ATP5MG: variants seen among roughly 807,000 people sequenced by gnomAD.
The protein encoded by ATP5MG is ATP synthase membrane subunit g.
Under a neutral mutation model 12.7 loss-of-function variants are expected in ATP5MG, and 7 were observed. The observed-to-expected ratio is 0.55, with a 90% CI of 0.31 to 1.04. The LOEUF is 1.04. Ranked by LOEUF, ATP5MG falls within the 50% of genes least tolerant of loss-of-function variation. The pLI is 0.05. For missense variants in ATP5MG, 116 were observed against 126.7 expected (o/e 0.92, Z 0.41); for synonymous variants, 53 against 48.2 (o/e 1.10, Z -0.41).
At chr11:118,402,741 G>A (rs1332878804) in intron 1 of ATP5MG, among the ~76,000 whole-genome samples, 5 of 134,168 alleles carry the variant, frequency 3.7e-5, no homozygotes, top group Non-Finnish European at 4.6e-5. Context: ...TCACTCTGTC[G>A]CCCAGGCTGG....
chr11:118,407,724 T>C (rs571754926), intron 2 of ATP5MG, among the ~76,000 whole-genome samples: 1 of 151,538 alleles, frequency 6.6e-6, no homozygotes, highest in Non-Finnish European at 1.5e-5. Context: ...TGAAAAAAAA[T>C]TGCCAGGTGT....
Position 118,406,956 on chromosome 11 carries a change from G to A in ATP5MG, c.72G>A (p.Lys24=), listed in dbSNP as rs1555132190. The change falls in exon 2 of 3, where the codon AAG becomes AAA. Residue 24 remains lysine (K), a synonymous_variant. Transcript: ENST00000300688. ...TTCCAGCTGCTGTGACTTACTCGAA[G>A]CCTCGATTGGCCACATTTTGGTACT... ...ALVNAAVTYS[K]PRLATFWYYA... is the part of the protein sequence containing the mutation. 3 of 1,610,622 alleles carry A rather than the reference G, an allele frequency of 1.9e-6. No homozygotes were observed. The highest frequency in any genetic ancestry group is 1.7e-6 in the Non-Finnish European group (2 of 1,178,428).
At position 118,407,068 on chromosome 11, in the gene ATP5MG, A is replaced by T. The variant is rs782025040; in HGVS notation, c.184A>T (p.Thr62Ser). 6.2e-7 allele frequency: 1 copy of T among 1,614,150 alleles called. No homozygotes were observed. The change falls in exon 2 of 3, where the codon ACT (threonine) becomes TCT (serine). Residue 62 changes from threonine (T) to serine (S), a missense_variant. Transcript: ENST00000300688. ...SLKKIVNSAQ[T>S]GSFKQLTVKE... ...GAAAAAAATAGTCAATAGTGCTCAG[A>T]CTGGTAGCTTCAAACAGCTCACAGT...
chr11:118,403,904 G>A lies in ATP5MG; in HGVS notation c.52+2187G>A, dbSNP rs553660508. On this transcript the variant is annotated intron_variant, in intron 1 of 2. Coordinates refer to ENST00000300688, the MANE Select transcript of ATP5MG (RefSeq NM_006476.5). The stretch of plus-strand genomic sequence containing the variant: ...ATTTCAAGTGGATTTTTTTTCTGGT[G>A]TGGCTTTCACATTTTTTAGGTGGCG... 2.6e-5 allele frequency: 4 copies of A among 151,702 alleles called. No homozygotes were observed. The East Asian group carries it at 7.7e-4, about 29-fold the overall frequency. The allele number at this position is 151,702 out of a possible 1,614,324, so 9.4% of individuals were successfully genotyped here.
intron 1 of ATP5MG, 172 bp from the exon 2 acceptor site, chr11:118,406,765 C>T: frequency 1.1e-6 from 1 of 932,834 alleles, no homozygotes; most frequent in Admixed American, 2.8e-5. Context: ...TCTTTAAAAG[C>T]CTCTTGTTAC....
At position 118,401,661 on chromosome 11, in the gene ATP5MG, G is replaced by T; in HGVS notation, c.-5G>T. 1 of 1,614,162 alleles carries T rather than the reference G, an allele frequency of 6.2e-7. No individual in the cohort carries two copies. Among genetic ancestry groups the T allele is most frequent in the Non-Finnish European group, 8.5e-7 (1 of 1,180,004 alleles). On this transcript the variant is annotated 5_prime_UTR_variant, in exon 1 of 3. Coordinates refer to ENST00000300688, the MANE Select transcript of ATP5MG (RefSeq NM_006476.5). ...TCGGGGCGACGGACTCTCCATTCCA[G>T]AACCATGGCCCAATTTGTCCGTAAC... is the stretch of plus-strand genomic sequence containing the variant.
At position 118,409,142 on chromosome 11, in the gene ATP5MG, GTGT is replaced by G; in HGVS notation, c.*50_*52del. The stretch of plus-strand genomic sequence containing the variant: ...TGATTATATTTGATTTATTATTTGA[GTGT>G]TGTTGGACCATGTGTGATCAGACTG... On this transcript the variant is annotated 3_prime_UTR_variant, in exon 3 of 3. Transcript: ENST00000300688. The G allele has an allele frequency of 7.1e-7, 1 of 1,408,180 alleles. No individual in the cohort carries two copies. Among genetic ancestry groups the G allele is most frequent in the Non-Finnish European group, 9.8e-7 (1 of 1,020,728 alleles). 87.2% of individuals were successfully genotyped at this position (1,408,180 alleles called of 1,614,324 possible).
chr11:118,407,208 A>G lies in ATP5MG; in HGVS notation c.213+111A>G. 9.7e-6 allele frequency: 14 copies of G among 1,450,368 alleles called. No individual in the cohort carries two copies. The South Asian group carries it at 1.9e-4, about 20-fold the overall frequency. 89.8% of individuals were successfully genotyped at this position (1,450,368 alleles called of 1,614,324 possible). A position where few individuals can be genotyped will look rare whatever the true frequency, so the allele number is the denominator to read the frequency against. ...TGTTTCCAATGAGGCTGAATCCAGCATAATGAGGAAAAAAATTTTGACTGC... is the reference window on the plus strand; with the variant it reads ...TGTTTCCAATGAGGCTGAATCCAGCGTAATGAGGAAAAAAATTTTGACTGC... On this transcript the variant is annotated intron_variant, in intron 2 of 2. Transcript: ENST00000300688.
intron 1 of ATP5MG, 79 bp downstream of exon 1, chr11:118,401,796 C>A (rs1591315338): frequency 6.5e-7 from 1 of 1,533,150 alleles, no homozygotes; most frequent in East Asian, 2.3e-5. Context: ...AAGAAGCGGG[C>A]TGCGAAGACC....
intron 1 of ATP5MG, 147 bp downstream of exon 1, chr11:118,401,864 G>A: frequency 3.3e-6 from 3 of 921,360 alleles, no homozygotes; most frequent in East Asian, 2.7e-5. Context: ...GCAGGAAGCA[G>A]GTTGGCGACT....
chr11:118,404,845 G>A (rs1948958752), intron 1 of ATP5MG, among the ~76,000 whole-genome samples: 1 of 152,314 alleles, frequency 6.6e-6, no homozygotes, highest in South Asian at 2.1e-4. Context: ...TTTTCTGTGA[G>A]AAAGATTTGT....
In ATP5MG at chr11:118,409,118, G is replaced by T. The variant is rs1555132638; in HGVS notation, c.*20G>T. 6.7e-7 allele frequency: 1 copy of T among 1,503,676 alleles called. No homozygotes were observed. Among genetic ancestry groups the T allele is most frequent in the Non-Finnish European group, 9.1e-7 (1 of 1,097,022 alleles). 93.1% of individuals were successfully genotyped at this position (1,503,676 alleles called of 1,614,324 possible). The stretch of plus-strand genomic sequence containing the variant: ...GTTTGAAGACCAATCTTTAACATCT[G>T]ATTATATTTGATTTATTATTTGAGT... On this transcript the variant is annotated 3_prime_UTR_variant, in exon 3 of 3. Transcript: ENST00000300688.
At chr11:118,408,970 G>C (rs201237955) in intron 2 of ATP5MG, 30 bp from the exon 3 acceptor site, 3 of 1,006,168 alleles carry the variant, frequency 3.0e-6, no homozygotes, top group Non-Finnish European at 4.4e-6. Flanking sequence ...TATATAAAAG[G>C]TACCTTAAAA....
At chr11:118,407,413 C>A (rs1016116833) in intron 2 of ATP5MG, 61 of 235,388 alleles carry the variant, frequency 2.6e-4, no homozygotes, top group Non-Finnish European at 8.4e-6. Flanking sequence ...TTTGCTGAGT[C>A]TGTACTTTTT....
At position 118,403,707 on chromosome 11, in the gene ATP5MG, C is replaced by A. The variant is rs2849622; in HGVS notation, c.52+1990C>A. On this transcript the variant is annotated intron_variant, in intron 1 of 2. Transcript: ENST00000300688. ...ACTCGGGAAGCTGAGGCAGGAAAAT[C>A]TCTTTAACCCAGGAGGCGGAGGTTG... Among the ~76,000 whole-genome samples, 6 of 150,780 alleles carry A rather than the reference C, an allele frequency of 4.0e-5. No homozygotes were observed. In the South Asian group the frequency reaches 1.3e-3, roughly 32 times the overall value.
intron 2 of ATP5MG, 177 bp downstream of exon 2, chr11:118,407,274 G>C (rs1948980908): frequency 3.2e-6 from 3 of 943,152 alleles, no homozygotes; most frequent in Non-Finnish European, 4.6e-6. Context: ...CACCTGGGTA[G>C]AAATAATTAG....
chr11:118,407,314 C>T (rs1044247091), intron 2 of ATP5MG: 1 of 687,052 alleles, frequency 1.5e-6, no homozygotes. Context: ...TCCTAAGAGT[C>T]TTAAACCTAG....
chr11:118,401,637 C>G lies in ATP5MG; in HGVS notation c.-29C>G. 6.2e-7 allele frequency: 1 copy of G among 1,613,898 alleles called. No homozygotes were observed. The highest frequency in any genetic ancestry group is 8.5e-7 in the Non-Finnish European group (1 of 1,179,884). ...GGCGGGTGACATTCAGCCGGCGGTT[C>G]GGGGCGACGGACTCTCCATTCCAGA... On this transcript the variant is annotated 5_prime_UTR_variant, in exon 1 of 3. Coordinates refer to ENST00000300688, the MANE Select transcript of ATP5MG (RefSeq NM_006476.5).
Position 118,401,690 on chromosome 11 carries a change from G to A in ATP5MG, c.25G>A (p.Val9Met). Residue 9 changes from valine (V) to methionine (M), a missense_variant, in exon 1 of 3, where the codon GTG becomes ATG. Transcript: ENST00000300688. MAQFVRNL[V>M]EKTPALVNAA... ...CATGGCCCAATTTGTCCGTAACCTT[G>A]TGGAGAAGACCCCGGCGCTGGTGAA... is the stretch of plus-strand genomic sequence containing the variant. 2 of 1,613,944 alleles carry A rather than the reference G, an allele frequency of 1.2e-6. No homozygotes were observed. Among genetic ancestry groups the A allele is most frequent in the Admixed American group, 1.7e-5 (1 of 60,004 alleles).
Sources: gnomAD v4.1 joint callset for allele counts (sites outside exome capture counted in the v4.1 genomes callset) on GRCh38, gnomAD v4.1.1 for gene constraint, MANE v1.5 for transcripts, NCBI Gene and HGNC (gene_info 2026-07-23, HGNC 2026-07-21) for gene names.